The following PRKCA variants were observed in gnomAD, a reference collection of about 807,000 sequenced individuals.
PRKCA encodes the protein protein kinase C alpha type.
PRKCA carries 27 observed loss-of-function variants against 87.0 expected under a neutral mutation model. The observed-to-expected ratio is 0.31, with a 90% confidence interval of 0.23 to 0.43. The LOEUF (loss-of-function observed/expected upper bound fraction) is 0.43, where lower values mean the gene tolerates loss of function less well. PRKCA is among the 20% of genes least tolerant of loss of function. The probability of loss-of-function intolerance (pLI) is 1.00; values close to 1 mark genes in which losing one functional copy is unlikely to be tolerated. For missense variants in PRKCA, 518 were observed against 852.3 expected (o/e 0.61, Z 4.88); for synonymous variants, 329 against 311.1 (o/e 1.06, Z -0.61).
At chr17:66,350,147 TA>T (rs1475092862) in intron 2 of PRKCA, among the ~76,000 whole-genome samples, 1 of 152,196 alleles carries the variant, frequency 6.6e-6, no homozygotes, top group Non-Finnish European at 1.5e-5. Flanking sequence ...AATGAGGGGA[TA>T]AATTGGTGGT....
intron 2 of PRKCA, among the ~76,000 whole-genome samples, chr17:66,433,019 G>T (rs1290224778): frequency 6.6e-6 from 1 of 152,124 alleles, no homozygotes; most frequent in African/African-American, 2.4e-5. Context: ...TCCAAAACTA[G>T]ACTCTGATGT....
intron 8 of PRKCA, among the ~76,000 whole-genome samples, chr17:66,728,467 T>G (rs1392292698): frequency 6.6e-6 from 1 of 152,234 alleles, no homozygotes. Flanking sequence ...CTCCACCTTG[T>G]GCGAGCAGGT....
chr17:66,641,029 A>T, intron 3 of PRKCA: 1 of 311,300 alleles, frequency 3.2e-6, no homozygotes, highest in Non-Finnish European at 6.2e-6. Flanking sequence ...ATCGTGGTGG[A>T]TGCCTGTAAT....
chr17:66,365,405 A>C (rs1908651355), intron 2 of PRKCA, among the ~76,000 whole-genome samples: 2 of 152,158 alleles, frequency 1.3e-5, no homozygotes, highest in Admixed American at 1.3e-4. Context: ...AGATGACCCA[A>C]GCCCTGGACT....
intron 3 of PRKCA, among the ~76,000 whole-genome samples, chr17:66,587,768 CGTAT>C (rs1969650999): frequency 2.2e-5 from 2 of 90,542 alleles, no homozygotes; most frequent in Admixed American, 1.2e-4. Flanking sequence ...TACATATATA[CGTAT>C]ATGTGTGTAT....
chr17:66,540,296 C>T (rs1967937971), intron 3 of PRKCA, among the ~76,000 whole-genome samples: 1 of 152,238 alleles, frequency 6.6e-6, no homozygotes, highest in Admixed American at 6.5e-5. Context: ...TAACATTCAG[C>T]ACAGAGCCCA....
chr17:66,411,956 G>T (rs1379997162), intron 2 of PRKCA, among the ~76,000 whole-genome samples: 1 of 150,314 alleles, frequency 6.7e-6, no homozygotes, highest in Non-Finnish European at 1.5e-5. Context: ...TATGGATAAA[G>T]TGCCTCTGGA....
intron 2 of PRKCA, among the ~76,000 whole-genome samples, chr17:66,437,731 T>TTTTTTTTTTTTG (rs55779501): frequency 2.0e-3 from 22 of 11,142 alleles, no homozygotes; most frequent in Admixed American, 2.9e-3. Context: ...TTTTTTTTTT[T>TTTTTTTTTTTTG]GAGCGGGGGG....
chr17:66,461,631 A>G (rs1387495034), intron 2 of PRKCA, among the ~76,000 whole-genome samples: 1 of 152,206 alleles, frequency 6.6e-6, no homozygotes, highest in Non-Finnish European at 1.5e-5. Flanking sequence ...CTAAGTGGTA[A>G]AAATGATGTA....
intron 3 of PRKCA, among the ~76,000 whole-genome samples, chr17:66,639,730 C>T (rs926889638): frequency 5.3e-5 from 8 of 152,086 alleles, no homozygotes; most frequent in South Asian, 2.1e-4. Flanking sequence ...GGCGCGGTGG[C>T]GCATGCCTGT....
chr17:66,344,154 A>G (rs557433178), intron 2 of PRKCA, among the ~76,000 whole-genome samples: 35 of 152,306 alleles, frequency 2.3e-4, no homozygotes, highest in Admixed American at 7.2e-4. Context: ...GAAGAACAGT[A>G]TCGATGAATG....
intron 3 of PRKCA, among the ~76,000 whole-genome samples, chr17:66,574,702 T>C (rs1026539900): frequency 1.3e-5 from 2 of 148,424 alleles, no homozygotes; most frequent in Non-Finnish European, 3.0e-5. Flanking sequence ...CCAGTTAGCA[T>C]GAAACAGATA....
intron 2 of PRKCA, chr17:66,416,025 T>A (rs1279076850): frequency 2.6e-5 from 4 of 152,160 alleles, no homozygotes; most frequent in African/African-American, 9.7e-5. Context: ...GGATACTGAC[T>A]GGCACACAGT....
intron 2 of PRKCA, among the ~76,000 whole-genome samples, chr17:66,329,587 T>A (rs1176900129): frequency 6.6e-6 from 1 of 152,182 alleles, no homozygotes; most frequent in East Asian, 1.9e-4. Flanking sequence ...AGGGCAGGGT[T>A]TGCCCAGAGA....
chr17:66,485,584 A>G (rs1168334483), intron 2 of PRKCA, among the ~76,000 whole-genome samples: 1 of 152,122 alleles, frequency 6.6e-6, no homozygotes, highest in Non-Finnish European at 1.5e-5. Flanking sequence ...TTTGCCTGCC[A>G]TTTGGGAGAA....
intron 2 of PRKCA, among the ~76,000 whole-genome samples, chr17:66,431,419 A>G (rs1913093335): frequency 6.6e-6 from 1 of 152,100 alleles, no homozygotes; most frequent in Non-Finnish European, 1.5e-5. Context: ...ACTTTTCTTA[A>G]TGGAACAAGC....
intron 3 of PRKCA, among the ~76,000 whole-genome samples, chr17:66,621,723 G>A (rs980970427): frequency 2.6e-5 from 4 of 152,118 alleles, no homozygotes; most frequent in Non-Finnish European, 5.9e-5. Flanking sequence ...AGAATGGCAA[G>A]CAAAAGTAAG....
chr17:66,688,205 T>C, intron 6 of PRKCA, 97 bp from the exon 7 acceptor site: 5 of 1,457,154 alleles, frequency 3.4e-6, no homozygotes, highest in Admixed American at 3.9e-5. Flanking sequence ...ACAAATATAC[T>C]ATTTCTTTAT....
chr17:66,736,048 T>C (rs779164167), intron 10 of PRKCA, among the ~76,000 whole-genome samples: 1 of 150,942 alleles, frequency 6.6e-6, no homozygotes, highest in East Asian at 2.0e-4. Flanking sequence ...ACTCAGCTAA[T>C]TTTTGTATTT....
Sources: gnomAD v4.1 joint callset for allele counts (sites outside exome capture counted in the v4.1 genomes callset) on GRCh38, gnomAD v4.1.1 for gene constraint, MANE v1.5 for transcripts, NCBI Gene and HGNC (gene_info 2026-07-23, HGNC 2026-07-21) for gene names.